Variants in CPT1C observed in about 807,000 individuals in gnomAD.
CPT1C encodes carnitine palmitoyltransferase 1C, also known as palmitoyl thioesterase CPT1C.
A neutral mutation model predicts 97.3 loss-of-function variants in CPT1C; 61 were observed. That is an observed-to-expected ratio of 0.63 (90% CI 0.51 to 0.78). The LOEUF is 0.78. CPT1C is among the 30% of genes least tolerant of loss of function. The pLI, the probability that CPT1C is intolerant of heterozygous loss-of-function variation, is 0.00. For synonymous variants in CPT1C, 469 were observed against 447.2 expected (o/e 1.05, Z -0.61); for missense variants, 975 against 1,065.5 (o/e 0.92, Z 1.18).
intron 13 of CPT1C, among the ~76,000 whole-genome samples, chr19:49,708,002 C>CAA (rs60276067): frequency 8.2e-3 from 458 of 55,708 alleles, no homozygotes; most frequent in Non-Finnish European, 0.011. Flanking sequence ...GAATACATCT[C>CAA]AAAAAAAAAA....
chr19:49,713,677 G>A lies in CPT1C; in HGVS notation c.*72G>A. ...TGCCACAGCTGGCTGACACAGGACA[G>A]GGGCAACTGGTTTGGCAACCCCACA... On this transcript the variant is annotated 3_prime_UTR_variant, in exon 20 of 20. Coordinates refer to ENST00000598293, the MANE Select transcript of CPT1C (RefSeq NM_001199753.2). 6.9e-7 allele frequency: 1 copy of A among 1,455,406 alleles called. No homozygotes were observed. The highest frequency in any genetic ancestry group is 9.4e-7 in the Non-Finnish European group (1 of 1,069,160). The allele number at this position is 1,455,406 out of a possible 1,614,324, so 90.2% of individuals were successfully genotyped here. A position where few individuals can be genotyped will look rare whatever the true frequency, so the allele number is the denominator to read the frequency against.
In CPT1C at chr19:49,692,233, A is replaced by T. The variant is rs769737630; in HGVS notation, c.-14-6A>T. The T allele has an allele frequency of 1.9e-6, 3 of 1,612,588 alleles. No homozygotes were observed. Among genetic ancestry groups the T allele is most frequent in the Non-Finnish European group, 2.5e-6 (3 of 1,179,914 alleles). On this transcript the variant is annotated splice_region_variant and splice_polypyrimidine_tract_variant and intron_variant, in intron 2 of 19. Transcript: ENST00000598293. ...GGGTCCTGAAGTATGACTCTGCCCG[A>T]CTCAGGGCTCCAGCGTGACATGGCT... is the stretch of plus-strand genomic sequence containing the variant.
At position 49,700,818 on chromosome 19, in the gene CPT1C, C is replaced by T; in HGVS notation, c.416C>T (p.Pro139Leu). Reference protein sequence around the residue: ...LLSYHGWLLEPHGAMSSPTKT... With the variant: ...LLSYHGWLLELHGAMSSPTKT... ...TCCTACCACGGCTGGCTTCTTGAGC[C>T]CCACGGAGCCATGTCCTCCCCCACC... The change falls in exon 5 of 20, where the codon CCC becomes CTC. Residue 139 changes from proline (P) to leucine (L), a missense_variant. Pro to Leu is a moderately conservative substitution (Grantham distance 98). Around this residue, in one of 3 missense-constraint regions of CPT1C, gnomAD observed 596 missense variants for 603.1 expected, o/e 0.99. Transcript: ENST00000598293. 2 of 1,613,242 alleles carry T rather than the reference C, an allele frequency of 1.2e-6. No homozygotes were observed. The highest frequency in any genetic ancestry group is 1.7e-6 in the Non-Finnish European group (2 of 1,180,028).
At chr19:49,696,452 T>C in intron 3 of CPT1C, 1 of 109,928 alleles carries the variant, frequency 9.1e-6, no homozygotes, top group South Asian at 2.9e-4. Context: ...TTTTCTTTTC[T>C]TTTCTTTTTT....
In CPT1C at chr19:49,705,926, C is replaced by T; in HGVS notation, c.982C>T (p.His328Tyr). ...ACCCCTAGACTACATCCGCCACCTCCATGACAGCCAACACGTGGCTGTCTT... is the reference window on the plus strand; with the variant it reads ...ACCCCTAGACTACATCCGCCACCTCTATGACAGCCAACACGTGGCTGTCTT... ...GVQKDYIRHL[H>Y]DSQHVAVFHR... The change falls in exon 11 of 20, where the codon CAT becomes TAT. Residue 328 changes from histidine to tyrosine, a missense_variant. By Grantham distance (83) the His-to-Tyr change is moderately conservative (BLOSUM62 2). Coordinates refer to ENST00000598293, the MANE Select transcript of CPT1C (RefSeq NM_001199753.2). 1 of 1,613,776 alleles carries T rather than the reference C, an allele frequency of 6.2e-7. No homozygotes were observed. Among genetic ancestry groups the T allele is most frequent in the Non-Finnish European group, 8.5e-7 (1 of 1,179,836 alleles).
At position 49,700,752 on chromosome 19, in the gene CPT1C, C is replaced by T. The variant is rs369992790; in HGVS notation, c.350C>T (p.Ala117Val). 6 of 1,612,846 alleles carry T rather than the reference C, an allele frequency of 3.7e-6. No homozygotes were observed. The highest frequency in any genetic ancestry group is 2.7e-5 in the African/African-American group (2 of 74,910). ...CTGTTTGCCTCGTGTTTGTGGGGAG[C>T]CCTGATCTTCACACTGCACGTGGCC... ...AALFASCLWG[A>V]LIFTLHVALR... The change falls in exon 5 of 20, where the codon GCC (alanine) becomes GTC (valine). Residue 117 changes from alanine to valine, a missense_variant. Physicochemically the swap from Ala to Val is moderately conservative, Grantham distance 64. This residue lies in a region of CPT1C where 596 missense variants were observed against 603.1 expected (regional missense o/e 0.99). Transcript: ENST00000598293.
intron 2 of CPT1C, 42 bp from the exon 3 acceptor site, chr19:49,692,197 C>T (rs1467657940): frequency 1.9e-6 from 3 of 1,588,728 alleles, no homozygotes; most frequent in Non-Finnish European, 2.6e-6. Context: ...AGTCTGAGGG[C>T]GGAGGGGCTG....
At chr19:49,707,658 C>A in intron 13 of CPT1C, 35 bp downstream of exon 13, 1 of 1,411,840 alleles carries the variant, frequency 7.1e-7, no homozygotes, top group Non-Finnish European at 9.9e-7. Flanking sequence ...TCTGGGGACC[C>A]CTGCCCCATC....
chr19:49,711,186 C>G (rs970156560), intron 16 of CPT1C: 3 of 174,852 alleles, frequency 1.7e-5, no homozygotes, highest in Non-Finnish European at 2.4e-5. Context: ...CTCTGCCTCT[C>G]AGGTTCAAGC....
At chr19:49,702,368 A>G (rs2083223324) in intron 7 of CPT1C, among the ~76,000 whole-genome samples, 1 of 151,068 alleles carries the variant, frequency 6.6e-6, no homozygotes, top group Non-Finnish European at 1.5e-5. Context: ...CTGTAATGCC[A>G]GCAGGTTGCG....
chr19:49,702,296 C>T (rs1026604617), intron 7 of CPT1C, among the ~76,000 whole-genome samples: 3 of 148,442 alleles, frequency 2.0e-5, no homozygotes, highest in Admixed American at 6.9e-5. Context: ...TGAGCTTCAC[C>T]CTTGATCTTC....
chr19:49,694,628 CAAAA>C (rs1160047948), intron 3 of CPT1C, among the ~76,000 whole-genome samples: 1 of 64,834 alleles, frequency 1.5e-5, no homozygotes. Flanking sequence ...GACTCCGTTT[CAAAA>C]AAAAAAAAAA....
intron 18 of CPT1C, 35 bp from the exon 19 acceptor site, chr19:49,712,937 A>C (rs1449648841): frequency 6.2e-7 from 1 of 1,600,334 alleles, no homozygotes; most frequent in Non-Finnish European, 8.6e-7. Flanking sequence ...AGGGGACCGG[A>C]GCTATTTTCT....
intron 16 of CPT1C, chr19:49,711,555 T>G: frequency 1.9e-6 from 1 of 529,738 alleles, no homozygotes; most frequent in Non-Finnish European, 3.4e-6. Context: ...ACCTACAAGG[T>G]ATTGTGGTTC....
chr19:49,705,486 C>T (rs1249326959), intron 10 of CPT1C, among the ~76,000 whole-genome samples, 188 bp downstream of exon 10: 7 of 152,086 alleles, frequency 4.6e-5, no homozygotes, highest in East Asian at 1.9e-4. Flanking sequence ...AGGGGCTGGG[C>T]GCAGTGACTG....
At chr19:49,710,963 G>C in intron 16 of CPT1C, 106 bp downstream of exon 16, 1 of 1,234,762 alleles carries the variant, frequency 8.1e-7, no homozygotes, top group East Asian at 2.5e-5. Context: ...AGGAGCACAA[G>C]GGACAAGGGA....
At chr19:49,695,015 C>T (rs367922938) in intron 3 of CPT1C, among the ~76,000 whole-genome samples, 1 of 151,902 alleles carries the variant, frequency 6.6e-6, no homozygotes, top group Non-Finnish European at 1.5e-5. Flanking sequence ...GTGGCAGTCA[C>T]CTGTAGTCCC....
At chr19:49,694,586 G>A (rs572159245) in intron 3 of CPT1C, among the ~76,000 whole-genome samples, 1 of 144,916 alleles carries the variant, frequency 6.9e-6, no homozygotes, top group Non-Finnish European at 1.5e-5. Context: ...CCAAGATTGC[G>A]CCACTGCACT....
chr19:49,699,457 TAAAAAAA>T (rs71180647), intron 4 of CPT1C, among the ~76,000 whole-genome samples: 9 of 35,288 alleles, frequency 2.6e-4, no homozygotes, highest in African/African-American at 6.0e-4. Flanking sequence ...CCCCTGTCTC[TAAAAAAA>T]AAAAAAAAAA....
Sources: allele counts gnomAD v4.1 joint callset (sites outside exome capture counted in the v4.1 genomes callset), GRCh38; gene constraint gnomAD v4.1.1; regional missense constraint gnomAD v4.1.1; transcripts MANE v1.5; gene names NCBI Gene and HGNC (gene_info 2026-07-23, HGNC 2026-07-21).